The following GPHN variants were observed in gnomAD, a reference collection of about 807,000 sequenced individuals.
GPHN encodes gephyrin.
In GPHN, 17 loss-of-function variants were observed where a neutral mutation model predicts 95.5. That is an observed-to-expected ratio of 0.18 (90% CI 0.12 to 0.27). The LOEUF is 0.27. Among genes scored for constraint, GPHN ranks in the 10% least tolerant of loss-of-function variants. GPHN has a pLI of 1.00. For missense variants in GPHN, 660 were observed against 978.1 expected (o/e 0.67, Z 4.34); for synonymous variants, 320 against 322.5 (o/e 0.99, Z 0.08).
At chr14:67,244,205 T>A in the GPHN span, among the ~76,000 whole-genome samples, 1 of 152,220 alleles carries the variant, frequency 6.6e-6, no homozygotes, top group Non-Finnish European at 1.5e-5. Context: ...TTAATGAATA[T>A]CTTTGTGTAT....
At chr14:66,972,488 C>T (rs1251858037) in intron 9 of GPHN, among the ~76,000 whole-genome samples, 2 of 151,818 alleles carry the variant, frequency 1.3e-5, no homozygotes, top group African/African-American at 2.4e-5. Flanking sequence ...CAGCTTACAA[C>T]TCAAACAATT....
At chr14:67,473,943 T>C in the GPHN span, 1 of 1,584,674 alleles carries the variant, frequency 6.3e-7, no homozygotes, top group Non-Finnish European at 8.6e-7. The surrounding 1 kb of genome is among the most constrained non-coding windows in gnomAD (Gnocchi z 6.5). Context: ...TGGGGCTGGC[T>C]GCGGGGGGCG....
chr14:67,010,940 T>C (rs1030182675), intron 9 of GPHN, among the ~76,000 whole-genome samples: 8 of 152,128 alleles, frequency 5.3e-5, no homozygotes, highest in African/African-American at 1.9e-4. Flanking sequence ...ACATTGTTTG[T>C]TTTTAGGATA....
intron 2 of GPHN, among the ~76,000 whole-genome samples, chr14:66,764,730 A>G (rs2058897233): frequency 6.6e-6 from 1 of 152,170 alleles, no homozygotes; most frequent in Admixed American, 6.6e-5. Flanking sequence ...TATCATCAAG[A>G]AAAATCAGTA....
At chr14:66,873,391 G>A (rs753881333) in intron 4 of GPHN, among the ~76,000 whole-genome samples, 24 of 152,204 alleles carry the variant, frequency 1.6e-4, no homozygotes, top group Admixed American at 7.9e-4. Flanking sequence ...ACCCAGTGGC[G>A]CCTGGAATGC....
the GPHN span, chr14:67,208,074 C>G: frequency 8.0e-6 from 11 of 1,373,146 alleles, no homozygotes; most frequent in South Asian, 1.5e-5. Flanking sequence ...TCACTCCCTC[C>G]TTACTACTCC....
At chr14:67,315,215 A>C in the GPHN span, among the ~76,000 whole-genome samples, 1 of 152,088 alleles carries the variant, frequency 6.6e-6, no homozygotes, top group African/African-American at 2.4e-5. Context: ...TTAATATGTA[A>C]ATGATTAAAA....
rs549152593 is a variant in GPHN, at chr14:66,639,426, G to C, written c.65-41681G>C. On this transcript the variant is annotated intron_variant, in intron 1 of 22. Transcript: ENST00000478722. ...TATGTACAAGATGGATGTGTCTCTG[G>C]TTCATACATGACAATTGATGAAGCG... is the stretch of plus-strand genomic sequence containing the variant. 9.2e-5 allele frequency among the ~76,000 whole-genome samples: 14 copies of C among 152,168 alleles called. No homozygotes were observed. The South Asian group carries it at 2.9e-3, about 32-fold the overall frequency.
the GPHN span, among the ~76,000 whole-genome samples, chr14:67,696,419 C>T: frequency 6.6e-6 from 1 of 152,180 alleles, no homozygotes; most frequent in Non-Finnish European, 1.5e-5. Flanking sequence ...ACCCTTCCTC[C>T]TCGAGGATTC....
At chr14:67,682,717 C>T in the GPHN span, among the ~76,000 whole-genome samples, 2 of 152,176 alleles carry the variant, frequency 1.3e-5, no homozygotes, top group South Asian at 4.1e-4. Flanking sequence ...AACACAGTTA[C>T]CATATAACCC....
the GPHN span, chr14:67,582,352 GC>G: frequency 7.0e-7 from 1 of 1,425,890 alleles, no homozygotes; most frequent in Non-Finnish European, 9.6e-7. The surrounding 1 kb of genome is among the most constrained non-coding windows in gnomAD (Gnocchi z 5.0). Context: ...ATGGAAAGCA[GC>G]TGACTTCTAC....
At chr14:67,718,056 C>A in the GPHN span, among the ~76,000 whole-genome samples, 3 of 152,146 alleles carry the variant, frequency 2.0e-5, no homozygotes, top group Non-Finnish European at 4.4e-5. Flanking sequence ...GAAAAAGGAA[C>A]AACAAGTCAT....
At chr14:67,338,871 A>G in the GPHN span, 1 of 873,680 alleles carries the variant, frequency 1.1e-6, no homozygotes, top group Non-Finnish European at 1.6e-6. Context: ...CTAGAAAAAA[A>G]CCTGGTACTT....
At chr14:66,615,844 ATGGTTT>A (rs2062992725) in intron 1 of GPHN, among the ~76,000 whole-genome samples, 2 of 148,774 alleles carry the variant, frequency 1.3e-5, no homozygotes, top group Admixed American at 1.3e-4. Flanking sequence ...TTTTTTTTTT[ATGGTTT>A]TGGGTTTTAC....
At chr14:66,863,786 A>G (rs1213642001) in intron 4 of GPHN, among the ~76,000 whole-genome samples, 2 of 152,102 alleles carry the variant, frequency 1.3e-5, no homozygotes, top group Admixed American at 1.3e-4. Flanking sequence ...ATGAAACTAG[A>G]CCCCTATCTC....
At chr14:67,502,969 T>C in the GPHN span, among the ~76,000 whole-genome samples, 2 of 152,058 alleles carry the variant, frequency 1.3e-5, no homozygotes, top group East Asian at 1.9e-4. Flanking sequence ...CATGGAATAT[T>C]AAAAACTGAA....
the GPHN span, chr14:67,617,444 A>T: frequency 1.3e-5 from 2 of 152,236 alleles, no homozygotes; most frequent in African/African-American, 2.4e-5. Context: ...GACTGGTCAC[A>T]TGAGGTCCAG....
At chr14:67,607,203 A>T in the GPHN span, among the ~76,000 whole-genome samples, 737 of 152,160 alleles carry the variant, frequency 4.8e-3, 35 homozygotes, top group East Asian at 0.082. Flanking sequence ...TAAGTATATA[A>T]CTCTTAATTA....
At chr14:67,338,632 G>A in the GPHN span, 2 of 1,613,484 alleles carry the variant, frequency 1.2e-6, no homozygotes, top group Admixed American at 1.7e-5. Flanking sequence ...TATTCAAATA[G>A]AAGATCCTCG....
Sources: gnomAD v4.1 joint callset for allele counts (sites outside exome capture counted in the v4.1 genomes callset) on GRCh38, gnomAD v4.1.1 for gene constraint, Gnocchi (gnomAD v3.1) non-coding constraint, MANE v1.5 for transcripts, NCBI Gene and HGNC (gene_info 2026-07-23, HGNC 2026-07-21) for gene names.